The following POLM variants were observed in gnomAD, a reference collection of about 807,000 sequenced individuals.
POLM encodes DNA-directed DNA/RNA polymerase mu.
In POLM, 52 loss-of-function variants were observed where a neutral mutation model predicts 56.7. The observed-to-expected ratio is 0.92, with a 90% CI of 0.73 to 1.15. The LOEUF is 1.15. Ranked by LOEUF, POLM falls within the 50% of genes most tolerant of loss-of-function variation. The probability of loss-of-function intolerance (pLI) is 0.00; values close to 1 mark genes in which losing one functional copy is unlikely to be tolerated. For synonymous variants in POLM, 273 were observed against 274.3 expected (o/e 1.00, Z 0.05); for missense variants, 660 against 663.6 (o/e 0.99, Z 0.06).
chr7:44,074,534 G>T lies in POLM; in HGVS notation c.836-4C>A. 6.4e-7 allele frequency: 1 copy of T among 1,560,754 alleles called. No individual in the cohort carries two copies. Among genetic ancestry groups the T allele is most frequent in the East Asian group, 2.3e-5 (1 of 43,576 alleles). ...AGGTCCTGGTGGTGCTGGAGCCCTG[G>T]GGGCAACACCGGCCCTCCTGACTCA... On this transcript the variant is annotated splice_region_variant and splice_polypyrimidine_tract_variant and intron_variant, in intron 6 of 10. Coordinates refer to ENST00000242248, the MANE Select transcript of POLM (RefSeq NM_013284.4).
In POLM at chr7:44,073,953, T is replaced by C; in HGVS notation, c.1144A>G (p.Met382Val). 1.2e-6 allele frequency: 2 copies of C among 1,614,194 alleles called. No homozygotes were observed. The highest frequency in any genetic ancestry group is 8.5e-7 in the Non-Finnish European group (1 of 1,180,030). ...CAGAAACTTCTCTCAAAAGCGTCCA[T>C]GTGGCTCTGTTGGGCCAGGCGGGTA... Reference protein sequence around the residue: ...SPTRLAQQSHMDAFERSFCIF... With the variant: ...SPTRLAQQSHVDAFERSFCIF... Residue 382 changes from methionine (M) to valine (V), a missense_variant, in exon 9 of 11, where the codon ATG becomes GTG. By Grantham distance (21) the Met-to-Val change is conservative. Coordinates refer to ENST00000242248, the MANE Select transcript of POLM (RefSeq NM_013284.4).
Position 44,076,608 on chromosome 7 carries a change from C to A in POLM, c.736G>T (p.Val246Phe), listed in dbSNP as rs28382653. 3,947 of 1,614,046 alleles carry A rather than the reference C, an allele frequency of 2.4e-3. 87 individuals carry two copies. The African/African-American group carries it at 0.046, about 19-fold the overall frequency. Reference sequence around the variant, plus strand: ...CACCGGTCAGCAGTCTTCACACCGACCCCGAAGATCTGGGTGAAGAGCTGT... The same window carrying A: ...CACCGGTCAGCAGTCTTCACACCGAACCCGAAGATCTGGGTGAAGAGCTGT... ...TMKLFTQIFG[V>F]GVKTADRWYR... Residue 246 changes from valine to phenylalanine, a missense_variant, in exon 6 of 11, where the codon GTC (valine) becomes TTC (phenylalanine). Physicochemically the swap from Val to Phe is conservative, Grantham distance 50. Transcript: ENST00000242248.
rs1318510685 is a variant in POLM at position 44,073,867 on chromosome 7, TG to T, written c.1229del (p.Pro410HisfsTer6). 1.2e-6 allele frequency: 2 copies of T among 1,614,190 alleles called. No individual in the cohort carries two copies. Among genetic ancestry groups the T allele is most frequent in the Non-Finnish European group, 1.7e-6 (2 of 1,180,018 alleles). Reference protein sequence around the residue: ...AAVGGSTRPCPSWKAVRVDLV... With the variant: ...AAVGGSTRPCXSWKAVRVDLV... ...AGTCCACTCTCACGGCCTTCCAGGATGGGCAGGGCCTCGTGGATCCCCCCAC... is the reference window on the plus strand; with the variant it reads ...AGTCCACTCTCACGGCCTTCCAGGATGGCAGGGCCTCGTGGATCCCCCCAC... On this transcript the variant is annotated frameshift_variant, in exon 9 of 11. Coordinates refer to ENST00000242248, the MANE Select transcript of POLM (RefSeq NM_013284.4). LOFTEE classifies it high-confidence loss of function.
rs913209446 is a variant in POLM, at chr7:44,073,891, C to G, written c.1206G>C (p.Val402=). 41 of 1,614,146 alleles carry G rather than the reference C, an allele frequency of 2.5e-5. No individual in the cohort carries two copies. Among genetic ancestry groups the G allele is most frequent in the Non-Finnish European group, 3.5e-5 (41 of 1,180,054 alleles). ...FRLPQPPGAA[V]GGSTRPCPSW... The stretch of plus-strand genomic sequence containing the variant: ...ATGGGCAGGGCCTCGTGGATCCCCC[C>G]ACAGCAGCCCCTGGAGGTTGTGGTA... The change falls in exon 9 of 11, where the codon GTG becomes GTC. Residue 402 remains valine, a synonymous_variant. Transcript: ENST00000242248.
In POLM at chr7:44,080,806, A is replaced by C; in HGVS notation, c.299T>G (p.Leu100Arg). Residue 100 changes from leucine to arginine, a missense_variant, in exon 2 of 11, where the codon CTG becomes CGG. Coordinates refer to ENST00000242248, the MANE Select transcript of POLM (RefSeq NM_013284.4). ...GCTCTCTGTTAACCAGCTTATGTCC[A>C]GCAGAGCTGGGGGGGTGCAACCCGG... ...APPGCTPPALLDISWLTESLG... is the reference protein window; with the variant it reads ...APPGCTPPALRDISWLTESLG... 1 of 1,613,944 alleles carries C rather than the reference A, an allele frequency of 6.2e-7. No individual in the cohort carries two copies. The highest frequency in any genetic ancestry group is 8.5e-7 in the Non-Finnish European group (1 of 1,179,950).
At chr7:44,077,316 G>C (rs2096186516) in intron 5 of POLM, among the ~76,000 whole-genome samples, 1 of 152,262 alleles carries the variant, frequency 6.6e-6, no homozygotes, top group South Asian at 2.1e-4. Context: ...CAGAGGGGCA[G>C]AGGGGAGGAG....
intron 1 of POLM, 117 bp from the exon 2 acceptor site, chr7:44,081,033 A>G (rs1163104960): frequency 5.0e-6 from 4 of 805,578 alleles, no homozygotes; most frequent in Non-Finnish European, 7.6e-6. Flanking sequence ...TCATCCTGCA[A>G]ACGTCACCTC....
Position 44,080,222 on chromosome 7 carries a change from A to G in POLM, c.373-263T>C, listed in dbSNP as rs2096195766. ...GGCACTTCTCCTGCTGCTGCACATG[A>G]TGCATGTACTCCATCACCCCAATCC... is the stretch of plus-strand genomic sequence containing the variant. On this transcript the variant is annotated intron_variant, in intron 2 of 10. Transcript: ENST00000242248. 5.4e-6 allele frequency: 3 copies of G among 555,638 alleles called. No homozygotes were observed. In the Admixed American group the frequency reaches 8.5e-5, roughly 16 times the overall value. The allele number at this position is 555,638 out of a possible 1,614,324, so 34.4% of individuals were successfully genotyped here.
At chr7:44,075,247 G>A (rs897814426) in intron 6 of POLM, among the ~76,000 whole-genome samples, 4 of 152,080 alleles carry the variant, frequency 2.6e-5, no homozygotes, top group South Asian at 2.1e-4. Flanking sequence ...ACAGGGTTTC[G>A]CCACGTTGGC....
chr7:44,078,735 C>T lies in POLM; in HGVS notation c.714+5G>A, dbSNP rs765581013. 35 of 1,613,000 alleles carry T rather than the reference C, an allele frequency of 2.2e-5. No individual in the cohort carries two copies. Among genetic ancestry groups the T allele is most frequent in the Admixed American group, 1.5e-4 (9 of 60,000 alleles). On this transcript the variant is annotated splice_donor_5th_base_variant and intron_variant, in intron 5 of 10. Coordinates refer to ENST00000242248, the MANE Select transcript of POLM (RefSeq NM_013284.4). The stretch of plus-strand genomic sequence containing the variant: ...TGGGGTAGGTCCGAGCCCTGCCCTG[C>T]GCACCTTCATGGTCTGGTACCTCTC...
At chr7:44,078,885 A>G in intron 4 of POLM, 74 bp from the exon 5 acceptor site, 1 of 1,294,804 alleles carries the variant, frequency 7.7e-7, no homozygotes. Context: ...AGTTAGGGTC[A>G]GGGCTGGGGG....
At chr7:44,079,980 G>C (rs1355247985) in intron 2 of POLM, 21 bp from the exon 3 acceptor site, 6 of 1,558,442 alleles carry the variant, frequency 3.9e-6, no homozygotes, top group Non-Finnish European at 5.3e-6. Context: ...GCAATAAACA[G>C]GTCACTGTGA....
chr7:44,073,979 G>A lies in POLM; in HGVS notation c.1118C>T (p.Pro373Leu), dbSNP rs770017699. The A allele has an allele frequency of 4.3e-6, 7 of 1,614,104 alleles. No individual in the cohort carries two copies. Among genetic ancestry groups the A allele is most frequent in the South Asian group, 1.1e-5 (1 of 91,088 alleles). The change falls in exon 9 of 11, where the codon CCT becomes CTT. Residue 373 changes from proline (P) to leucine (L), a missense_variant. By Grantham distance (98) the Pro-to-Leu change is moderately conservative. Coordinates refer to ENST00000242248, the MANE Select transcript of POLM (RefSeq NM_013284.4). Reference protein sequence around the residue: ...HQHQHSCCESPTRLAQQSHMD... With the variant: ...HQHQHSCCESLTRLAQQSHMD... Reference sequence around the variant, plus strand: ...GTGGCTCTGTTGGGCCAGGCGGGTAGGGGACTCACAGCAGCTGTGCTGGTG... The same window carrying A: ...GTGGCTCTGTTGGGCCAGGCGGGTAAGGGACTCACAGCAGCTGTGCTGGTG...
Position 44,073,149 on chromosome 7 carries a change from C to T in POLM, c.*142G>A, listed in dbSNP as rs1468377913. On this transcript the variant is annotated 3_prime_UTR_variant, in exon 11 of 11. Transcript: ENST00000242248. ...AGGGGCTCAACTGATCCTGCAGGCA[C>T]AATTGACCTCCGGAAGAGCCAGGCC... The T allele has an allele frequency of 1.3e-6, 2 of 1,529,932 alleles. No homozygotes were observed. Among genetic ancestry groups the T allele is most frequent in the Non-Finnish European group, 1.8e-6 (2 of 1,138,028 alleles). 94.8% of individuals were successfully genotyped at this position (1,529,932 alleles called of 1,614,324 possible).
intron 1 of POLM, 61 bp from the exon 2 acceptor site, chr7:44,080,977 T>C: frequency 1.4e-6 from 2 of 1,408,088 alleles, no homozygotes; most frequent in Non-Finnish European, 9.6e-7. Flanking sequence ...CCTGGTTGGC[T>C]CCAAGCCTTC....
intron 2 of POLM, 94 bp downstream of exon 2, chr7:44,080,639 G>C: frequency 7.7e-7 from 1 of 1,299,692 alleles, no homozygotes; most frequent in Admixed American, 1.7e-5. Context: ...GAAGGACATT[G>C]AGGCATTGCT....
intron 3 of POLM, 54 bp from the exon 4 acceptor site, chr7:44,079,795 C>G: frequency 6.2e-7 from 1 of 1,610,386 alleles, no homozygotes; most frequent in Non-Finnish European, 8.5e-7. Flanking sequence ...AATCCCCCAC[C>G]TACCACCCAT....
At position 44,076,849 on chromosome 7, in the gene POLM, C is replaced by T. The variant is rs1199658006; in HGVS notation, c.715-220G>A. On this transcript the variant is annotated intron_variant, in intron 5 of 10. Coordinates refer to ENST00000242248, the MANE Select transcript of POLM (RefSeq NM_013284.4). ...AAACCCACGCACACCCCTCTCCTCTCCTCTATGAAAGGGACTTACACAGCT... is the reference window on the plus strand; with the variant it reads ...AAACCCACGCACACCCCTCTCCTCTTCTCTATGAAAGGGACTTACACAGCT... 5 of 562,444 alleles carry T rather than the reference C, an allele frequency of 8.9e-6. No homozygotes were observed. In the Admixed American group the frequency reaches 1.2e-4, roughly 14 times the overall value. 34.8% of individuals were successfully genotyped at this position (562,444 alleles called of 1,614,324 possible).
In POLM at chr7:44,082,250, C is replaced by T. The variant is rs762083653; in HGVS notation, c.188+1G>A. On this transcript the variant is annotated splice_donor_variant, in intron 1 of 10. Transcript: ENST00000242248. LOFTEE classifies it high-confidence loss of function. ...CCTCGCCGCGCCGCGCCGCCCCGCA[C>T]CTGCAGGCGTCAAGGACGCGGAAGC... The T allele has an allele frequency of 6.8e-6, 10 of 1,468,698 alleles. No homozygotes were observed. Among genetic ancestry groups the T allele is most frequent in the South Asian group, 1.3e-5 (1 of 75,366 alleles). The allele number at this position is 1,468,698 out of a possible 1,614,324, so 91.0% of individuals were successfully genotyped here.
Sources: allele counts gnomAD v4.1 joint callset (sites outside exome capture counted in the v4.1 genomes callset), GRCh38; gene constraint gnomAD v4.1.1; transcripts MANE v1.5; gene names NCBI Gene and HGNC (gene_info 2026-07-23, HGNC 2026-07-21).